The following ZZEF1 variants were observed in gnomAD, a reference collection of about 807,000 sequenced individuals.
ZZEF1 encodes the protein zinc finger ZZ-type and EF-hand domain-containing protein 1.
ZZEF1 carries 157 observed loss-of-function variants against 342.8 expected under a neutral mutation model. That is an observed-to-expected ratio of 0.46 (90% CI 0.40 to 0.52). ZZEF1 has a LOEUF of 0.52. ZZEF1 is among the 20% of genes least tolerant of loss of function. The probability of loss-of-function intolerance (pLI) is 0.00; values close to 1 mark genes in which losing one functional copy is unlikely to be tolerated. For synonymous variants in ZZEF1, 1,505 were observed against 1,429.1 expected, an observed-to-expected ratio of 1.05 and a Z score of -1.20; for missense variants, 3,480 against 3,725.6, an observed-to-expected ratio of 0.93 and a Z score of 1.72.
chr17:4,064,402 G>T lies in ZZEF1; in HGVS notation c.4677C>A (p.Asp1559Glu). The T allele has an allele frequency of 6.2e-7, 1 of 1,607,236 alleles. No homozygotes were observed. The highest frequency in any genetic ancestry group is 8.5e-7 in the Non-Finnish European group (1 of 1,174,416). Reference protein sequence around the residue: ...TVKEKYPVLKDVMDFIKDQSL... With the variant: ...TVKEKYPVLKEVMDFIKDQSL... ...ACTGATCCTTAATGAAGTCCATGAC[G>T]TCCTTCAGCACAGGGTATTTCTCTT... Residue 1559 changes from aspartate (D) to glutamate (E), a missense_variant, in exon 29 of 55, where the codon GAC (aspartate) becomes GAA (glutamate). Asp to Glu is a conservative substitution (Grantham distance 45). Coordinates refer to ENST00000381638, the MANE Select transcript of ZZEF1 (RefSeq NM_015113.4).
rs779276362 is a variant in ZZEF1 at position 4,016,300 on chromosome 17, G to T, written c.8145+23C>A. ...TCTCTGCGGCTCAGTCGCTCTTATGGGGCCTGCCGGCCCCAGGCTTACCTC... is the reference window on the plus strand; with the variant it reads ...TCTCTGCGGCTCAGTCGCTCTTATGTGGCCTGCCGGCCCCAGGCTTACCTC... On this transcript the variant is annotated intron_variant, in intron 49 of 54. Transcript: ENST00000381638. This position sits in a 1 kb window ranked among gnomAD's most constrained non-coding sequence, Gnocchi z 4.4. 9 of 1,602,436 alleles carry T rather than the reference G, an allele frequency of 5.6e-6. No individual in the cohort carries two copies. Among genetic ancestry groups the T allele is most frequent in the South Asian group, 3.4e-5 (3 of 89,330 alleles).
intron 35 of ZZEF1, among the ~76,000 whole-genome samples, chr17:4,051,437 T>C (rs117810464): frequency 0.06 from 9,100 of 152,204 alleles, 405 homozygotes; most frequent in South Asian, 0.12. Flanking sequence ...ATTTATTTAT[T>C]TGAGATGGAG....
chr17:4,024,626 T>G (rs942873175), intron 43 of ZZEF1, among the ~76,000 whole-genome samples: 2 of 152,194 alleles, frequency 1.3e-5, no homozygotes, highest in African/African-American at 4.8e-5. Flanking sequence ...GAATTGTCAT[T>G]TAGAGAGGAA....
At chr17:4,089,203 T>C (rs923670828) in intron 12 of ZZEF1, among the ~76,000 whole-genome samples, 1 of 152,176 alleles carries the variant, frequency 6.6e-6, no homozygotes, top group Non-Finnish European at 1.5e-5. Flanking sequence ...GTGGCAGTCA[T>C]TTTGAAACAG....
intron 25 of ZZEF1, among the ~76,000 whole-genome samples, chr17:4,071,835 G>A (rs2057515558): frequency 6.6e-6 from 1 of 152,062 alleles, no homozygotes; most frequent in South Asian, 2.1e-4. Flanking sequence ...AACCAGACCT[G>A]GAGACTGATA....
At chr17:4,092,008 G>A (rs1162503060) in intron 11 of ZZEF1, among the ~76,000 whole-genome samples, 3 of 151,240 alleles carry the variant, frequency 2.0e-5, no homozygotes, top group Non-Finnish European at 4.4e-5. Flanking sequence ...CCCAGGAGGC[G>A]GAGGTTGCGG....
chr17:4,072,887 C>T, intron 24 of ZZEF1, 131 bp from the exon 25 acceptor site: 1 of 918,944 alleles, frequency 1.1e-6, no homozygotes, highest in East Asian at 2.7e-5. Context: ...ACCCACATAC[C>T]AGAATGTAAT....
Position 4,017,230 on chromosome 17 carries a change from C to T in ZZEF1, c.8001+141G>A. The T allele has an allele frequency of 1.6e-6, 2 of 1,217,894 alleles. No individual in the cohort carries two copies. Among genetic ancestry groups the T allele is most frequent in the South Asian group, 1.5e-5 (1 of 65,388 alleles). The allele number at this position is 1,217,894 out of a possible 1,614,324, so 75.4% of individuals were successfully genotyped here. A position where few individuals can be genotyped will look rare whatever the true frequency, so the allele number is the denominator to read the frequency against. On this transcript the variant is annotated intron_variant, in intron 48 of 54. Transcript: ENST00000381638. This position sits in a 1 kb window ranked among gnomAD's most constrained non-coding sequence, Gnocchi z 5.1. ...AATCCTTGGGAGAGGATACAGTGAC[C>T]CTACCTTTGCTGCATTCACACCTGT...
Position 4,059,230 on chromosome 17 carries a change from G to GT in ZZEF1, c.4943dup (p.Tyr1648Ter). ...TGACCAAAAACAGAACAAGTTGATA[G>GT]TAAGTGTCTCGAATTTCTTTGTGTA... ...ADLHKEIRDTYYQLVLFLVKA... is the reference protein window; with the variant it reads ...ADLHKEIRDT Residue 1648 changes from tyrosine (Y) to a stop codon, truncating the protein, a stop_gained and frameshift_variant, in exon 31 of 55, where the codon TAC becomes TAAC. Transcript: ENST00000381638. LOFTEE classifies it high-confidence loss of function. 1.2e-6 allele frequency: 2 copies of GT among 1,608,422 alleles called. No individual in the cohort carries two copies. Among genetic ancestry groups the GT allele is most frequent in the Non-Finnish European group, 1.7e-6 (2 of 1,179,088 alleles).
chr17:4,135,994 C>CTTTT, intron 1 of ZZEF1, among the ~76,000 whole-genome samples: 1 of 104,924 alleles, frequency 9.5e-6, no homozygotes, highest in East Asian at 3.8e-4. Context: ...CTGATATTTT[C>CTTTT]TCTTTTTTTT....
chr17:4,116,492 C>T (rs1243432175), intron 3 of ZZEF1, among the ~76,000 whole-genome samples: 1 of 152,216 alleles, frequency 6.6e-6, no homozygotes, highest in Non-Finnish European at 1.5e-5. Context: ...CCTATTTATA[C>T]ACATCATGAA....
At chr17:4,114,204 G>T in intron 4 of ZZEF1, 95 bp downstream of exon 4, 1 of 998,508 alleles carries the variant, frequency 1.0e-6, no homozygotes, top group Non-Finnish European at 1.4e-6. Flanking sequence ...GATTCTTAAA[G>T]CATCTTCATA....
rs368685067 is a variant in ZZEF1 at position 4,073,584 on chromosome 17, T to C, written c.3685+566A>G. 1.7e-3 allele frequency among the ~76,000 whole-genome samples: 259 copies of C among 152,214 alleles called. 1 individual carries two copies. In the South Asian group the frequency reaches 0.018, roughly 11 times the overall value. ...CCAAGTAGCTGAGACAAAAGGCATA[T>C]GCCACCACACCTGGCTAATTTTTAC... is the stretch of plus-strand genomic sequence containing the variant. On this transcript the variant is annotated intron_variant, in intron 24 of 54. Coordinates refer to ENST00000381638, the MANE Select transcript of ZZEF1 (RefSeq NM_015113.4).
At chr17:4,026,542 C>T (rs1434123070) in intron 42 of ZZEF1, among the ~76,000 whole-genome samples, 17 of 140,288 alleles carry the variant, frequency 1.2e-4, no homozygotes, top group Admixed American at 3.6e-4. Flanking sequence ...TTTTTTGAGA[C>T]GGAGTTTTTG....
At chr17:4,133,264 T>C (rs1187839700) in intron 1 of ZZEF1, among the ~76,000 whole-genome samples, 1 of 149,320 alleles carries the variant, frequency 6.7e-6, no homozygotes, top group Non-Finnish European at 1.5e-5. Context: ...TATAATGTCA[T>C]TTATTCCTCA....
In ZZEF1 at chr17:4,041,477, G is replaced by A. The variant is rs552378909; in HGVS notation, c.6306+952C>T. 2.6e-5 allele frequency among the ~76,000 whole-genome samples: 4 copies of A among 152,134 alleles called. 1 individual carries two copies. The highest frequency in any genetic ancestry group is 4.1e-4 in the South Asian group (2 of 4,820). On this transcript the variant is annotated intron_variant, in intron 39 of 54. Coordinates refer to ENST00000381638, the MANE Select transcript of ZZEF1 (RefSeq NM_015113.4). ...CTGAGGACCAAACCTTGGGTCCCGC[G>A]GGCACCGTCCCTTCCCCAAAGTCCT...
rs750694427 is a variant in ZZEF1, at chr17:4,096,624, T to C, written c.1749A>G (p.Thr583=). The part of the protein sequence containing the change: ...STGTESAFQV[T]QIRIMVRRGG... ...CGAAAATTACCATAATTCTTATCTG[T>C]GTAACTTGGAAGGCAGATTCAGTTC... is the stretch of plus-strand genomic sequence containing the variant. Residue 583 remains threonine, a synonymous_variant, in exon 10 of 55, where the codon ACA becomes ACG. Coordinates refer to ENST00000381638, the MANE Select transcript of ZZEF1 (RefSeq NM_015113.4). 1.9e-6 allele frequency: 3 copies of C among 1,613,932 alleles called. No homozygotes were observed. The highest frequency in any genetic ancestry group is 2.2e-5 in the South Asian group (2 of 91,070).
chr17:4,107,827 C>T (rs1391053759), intron 6 of ZZEF1, among the ~76,000 whole-genome samples: 1 of 152,180 alleles, frequency 6.6e-6, no homozygotes, highest in Non-Finnish European at 1.5e-5. Context: ...GGTGGATCTC[C>T]ACCTAAAGAG....
chr17:4,077,061 A>G, intron 19 of ZZEF1, 72 bp from the exon 20 acceptor site: 5 of 1,409,474 alleles, frequency 3.5e-6, no homozygotes, highest in Non-Finnish European at 4.7e-6. Flanking sequence ...CACCACAGAC[A>G]AGAATAAAGA....
Sources: allele counts gnomAD v4.1 joint callset (sites outside exome capture counted in the v4.1 genomes callset), GRCh38; gene constraint gnomAD v4.1.1; non-coding constraint Gnocchi (gnomAD v3.1); transcripts MANE v1.5; gene names NCBI Gene and HGNC (gene_info 2026-07-23, HGNC 2026-07-21).